Variants in SYT2 observed in about 807,000 individuals in gnomAD.
SYT2 encodes synaptotagmin 2, also known as synaptotagmin-2.
A neutral mutation model predicts 39.9 loss-of-function variants in SYT2; 15 were observed. The ratio of observed to expected loss-of-function variants is 0.38; its 90% CI spans 0.25 to 0.58. The LOEUF (loss-of-function observed/expected upper bound fraction) is 0.58. Ranked by LOEUF, SYT2 falls within the 20% of genes least tolerant of loss-of-function variation. The pLI is 0.70. For missense variants in SYT2, 389 were observed against 530.3 expected (o/e 0.73, Z 2.62); for synonymous variants, 181 against 204.5 (o/e 0.89, Z 0.98).
At chr1:202,606,760 G>A (rs970928317) in intron 1 of SYT2, among the ~76,000 whole-genome samples, 11 of 152,068 alleles carry the variant, frequency 7.2e-5, no homozygotes, top group Non-Finnish European at 1.5e-4. Context: ...CAGACTTACT[G>A]TAGAAAATTT....
At chr1:202,702,363 C>T (rs1337251712) in intron 1 of SYT2, among the ~76,000 whole-genome samples, 2 of 152,198 alleles carry the variant, frequency 1.3e-5, no homozygotes, top group Non-Finnish European at 2.9e-5. Context: ...TCCTGCAATG[C>T]CAGGATTGAT....
intron 1 of SYT2, among the ~76,000 whole-genome samples, chr1:202,625,886 T>C (rs1162109079): frequency 6.6e-6 from 1 of 152,056 alleles, no homozygotes; most frequent in Non-Finnish European, 1.5e-5. Flanking sequence ...CCAGCTGAAA[T>C]GGGTGACAGC....
intron 1 of SYT2, chr1:202,639,400 A>C: frequency 1.7e-6 from 1 of 580,764 alleles, no homozygotes; most frequent in Non-Finnish European, 2.2e-6. Flanking sequence ...AGGGTCTACA[A>C]GGGCTGGCAA....
At chr1:202,662,282 T>C (rs1400813167) in intron 1 of SYT2, among the ~76,000 whole-genome samples, 2 of 152,184 alleles carry the variant, frequency 1.3e-5, no homozygotes, top group African/African-American at 4.8e-5. Context: ...GATCCCAGTG[T>C]TTTTCCCCTA....
chr1:202,608,282 C>CTTTTTTTTTTTTTTTTTT, intron 1 of SYT2, among the ~76,000 whole-genome samples: 1 of 113,420 alleles, frequency 8.8e-6, no homozygotes, highest in Non-Finnish European at 2.1e-5. Flanking sequence ...AGATAGAAAA[C>CTTTTTTTTTTTTTTTTTT]ATTTTTTTTT....
chr1:202,661,848 A>T (rs560086865), intron 1 of SYT2, among the ~76,000 whole-genome samples: 1 of 152,332 alleles, frequency 6.6e-6, no homozygotes, highest in East Asian at 1.9e-4. Context: ...TTGGTCACAA[A>T]TCTAGTACAT....
intron 1 of SYT2, among the ~76,000 whole-genome samples, chr1:202,678,273 CAAAAAAAA>C (rs773123862): frequency 1.0e-3 from 31 of 30,724 alleles, no homozygotes; most frequent in African/African-American, 3.6e-3. Context: ...GACTCTGTCT[CAAAAAAAA>C]AAAAAAAAAA....
intron 1 of SYT2, among the ~76,000 whole-genome samples, chr1:202,616,099 G>T (rs929259914): frequency 2.0e-5 from 3 of 152,032 alleles, no homozygotes; most frequent in African/African-American, 7.3e-5. Context: ...TGCAGGAAAC[G>T]CCTCCCCACC....
chr1:202,643,911 G>C lies in SYT2; in HGVS notation c.-17-38122C>G, dbSNP rs952957391. 2.6e-5 allele frequency among the ~76,000 whole-genome samples: 4 copies of C among 151,696 alleles called. No individual in the cohort carries two copies. In the East Asian group the frequency reaches 7.7e-4, roughly 29 times the overall value. ...CTCCGAGTTTACAGCCTCTCGGTTC[G>C]GGGGATTAGCTGGGGGAGGGGACCC... On this transcript the variant is annotated intron_variant, in intron 1 of 8. Coordinates refer to ENST00000367268, the MANE Select transcript of SYT2 (RefSeq NM_177402.5).
At chr1:202,692,051 C>T (rs189562776) in intron 1 of SYT2, among the ~76,000 whole-genome samples, 5 of 152,208 alleles carry the variant, frequency 3.3e-5, no homozygotes, top group African/African-American at 1.2e-4. Flanking sequence ...TGGCTCCACA[C>T]CACTCTATCC....
rs17441087 is a variant in SYT2 at position 202,622,407 on chromosome 1, C to T, written c.-17-16618G>A. Among the ~76,000 whole-genome samples the T allele has an allele frequency of 8.8e-3, 1,342 of 152,328 alleles. 8 individuals are homozygous for T. The highest frequency in any genetic ancestry group is 0.011 in the Non-Finnish European group (729 of 68,028). Reference sequence around the variant, plus strand: ...TTTGGAGCGAGGTTGTCATTCCGCACACGTAGAAGCAGAGTCTGTTCTTGA... The same window carrying T: ...TTTGGAGCGAGGTTGTCATTCCGCATACGTAGAAGCAGAGTCTGTTCTTGA... On this transcript the variant is annotated intron_variant, in intron 1 of 8. Transcript: ENST00000367268.
In SYT2 at chr1:202,601,232, G is replaced by C. The variant is rs629227; in HGVS notation, c.801+658C>G. 0.78 allele frequency among the ~76,000 whole-genome samples: 118,559 copies of C among 152,138 alleles called. 49,060 individuals carry two copies. The highest frequency in any genetic ancestry group is 0.94 in the Non-Finnish European group (63,624 of 68,028). ...CAAAGCCACCCAGGGCAAGACTGAC[G>C]ACATCACACAGGTCCTGGTTCAGGT... On this transcript the variant is annotated intron_variant, in intron 6 of 8. Coordinates refer to ENST00000367268, the MANE Select transcript of SYT2 (RefSeq NM_177402.5). The surrounding 1 kb of genome is among the most constrained non-coding windows in gnomAD (Gnocchi z 4.0).
At chr1:202,702,954 A>C (rs1654157528) in intron 1 of SYT2, among the ~76,000 whole-genome samples, 1 of 152,162 alleles carries the variant, frequency 6.6e-6, no homozygotes, top group African/African-American at 2.4e-5. Context: ...CTAGGGAGTT[A>C]AGGTGTAGCA....
chr1:202,677,837 AG>A (rs563437040), intron 1 of SYT2, among the ~76,000 whole-genome samples: 497 of 152,352 alleles, frequency 3.3e-3, no homozygotes, highest in Non-Finnish European at 5.1e-3. Context: ...AATCTCCAAA[AG>A]GGATTTTAGC....
intron 1 of SYT2, chr1:202,631,980 T>C: frequency 1.0e-6 from 1 of 968,726 alleles, no homozygotes; most frequent in Non-Finnish European, 1.2e-6. Context: ...CGCCAGGCAG[T>C]TTGTCCTCAA....
At chr1:202,669,592 CA>C (rs573028451) in intron 1 of SYT2, among the ~76,000 whole-genome samples, 84 of 142,462 alleles carry the variant, frequency 5.9e-4, no homozygotes, top group Middle Eastern at 3.7e-3. Context: ...GACTGCATCT[CA>C]AAAAAAAAAA....
intron 1 of SYT2, among the ~76,000 whole-genome samples, chr1:202,642,876 G>A (rs1691958861): frequency 6.6e-6 from 1 of 152,208 alleles, no homozygotes; most frequent in Admixed American, 6.5e-5. Flanking sequence ...GCTTCTCTGC[G>A]GCGAGTCGCC....
At position 202,628,123 on chromosome 1, in the gene SYT2, G is replaced by A. The variant is rs1239787790; in HGVS notation, c.-17-22334C>T. 6.6e-6 allele frequency among the ~76,000 whole-genome samples: 1 copy of A among 152,230 alleles called. No individual in the cohort carries two copies. The highest frequency in any genetic ancestry group is 1.5e-5 in the Non-Finnish European group (1 of 68,046). ...GGGCAGGGAGGGAGACCTCCACTGT[G>A]CCCACTCCGTGCCAGCGGCATATTT... On this transcript the variant is annotated intron_variant, in intron 1 of 8. Coordinates refer to ENST00000367268, the MANE Select transcript of SYT2 (RefSeq NM_177402.5). This position sits in a 1 kb window ranked among gnomAD's most constrained non-coding sequence, Gnocchi z 4.2.
intron 1 of SYT2, among the ~76,000 whole-genome samples, chr1:202,677,428 T>C (rs1003396875): frequency 4.6e-5 from 7 of 152,230 alleles, no homozygotes; most frequent in African/African-American, 1.4e-4. Context: ...AGGCACTTAT[T>C]CTTGGAGACC....
Sources: allele counts gnomAD v4.1 joint callset (sites outside exome capture counted in the v4.1 genomes callset), GRCh38; gene constraint gnomAD v4.1.1; non-coding constraint Gnocchi (gnomAD v3.1); transcripts MANE v1.5; gene names NCBI Gene and HGNC (gene_info 2026-07-23, HGNC 2026-07-21).